POLD1: variants seen among roughly 807,000 people sequenced by gnomAD.
POLD1 encodes DNA polymerase delta 1, catalytic subunit.
POLD1 carries 79 observed loss-of-function variants against 129.7 expected under a neutral mutation model. That is an observed-to-expected ratio of 0.61 (90% CI 0.51 to 0.73). The LOEUF is 0.73. Ranked by LOEUF, POLD1 falls within the 30% of genes least tolerant of loss-of-function variation. The pLI is 0.00. For synonymous variants in POLD1, 714 were observed against 683.3 expected (o/e 1.04, Z -0.70); for missense variants, 1,338 against 1,595.8 (o/e 0.84, Z 2.75).
intron 17 of POLD1, among the ~76,000 whole-genome samples, chr19:50,412,830 G>A (rs887516312): frequency 2.6e-5 from 4 of 152,006 alleles, no homozygotes; most frequent in Admixed American, 2.6e-4. Flanking sequence ...GGCTGATCTC[G>A]AACTCCTGAC....
intron 17 of POLD1, among the ~76,000 whole-genome samples, chr19:50,411,755 G>C (rs1481965178): frequency 6.6e-6 from 1 of 151,962 alleles, no homozygotes; most frequent in East Asian, 1.9e-4. Context: ...CAGGAGAATC[G>C]CTTGAACCCA....
intron 9 of POLD1, 27 bp downstream of exon 9, chr19:50,403,246 A>G (rs1260958893): frequency 1.3e-6 from 2 of 1,520,378 alleles, no homozygotes; most frequent in Non-Finnish European, 1.8e-6. Context: ...GCCCCACACC[A>G]TTTCCCGGGG....
chr19:50,407,423 C>A lies in POLD1; in HGVS notation c.1775+8C>A. The A allele has an allele frequency of 1.3e-6, 2 of 1,581,696 alleles. No homozygotes were observed. Among genetic ancestry groups the A allele is most frequent in the South Asian group, 1.1e-5 (1 of 87,768 alleles). On this transcript the variant is annotated splice_region_variant and intron_variant, in intron 14 of 26. Coordinates refer to ENST00000440232, the MANE Select transcript of POLD1 (RefSeq NM_002691.4). ...CATCGAGCCCCTCAAAGGGTGAGGC[C>A]CCAGGCTGGGTGCAGTTTTTACCTG... is the stretch of plus-strand genomic sequence containing the variant.
chr19:50,408,434 G>A (rs1309946950), intron 14 of POLD1, among the ~76,000 whole-genome samples: 1 of 151,942 alleles, frequency 6.6e-6, no homozygotes, highest in Non-Finnish European at 1.5e-5. Flanking sequence ...GTCACCCAGG[G>A]TGGAGTGCGG....
chr19:50,401,294 T>C (rs2038592315), intron 3 of POLD1, among the ~76,000 whole-genome samples: 1 of 146,168 alleles, frequency 6.8e-6, no homozygotes, highest in South Asian at 2.1e-4. Flanking sequence ...ACATATATTA[T>C]ATATTAATAT....
chr19:50,396,887 G>A (rs1241122481), intron 1 of POLD1, among the ~76,000 whole-genome samples: 6 of 151,306 alleles, frequency 4.0e-5, no homozygotes, highest in Non-Finnish European at 7.4e-5. Flanking sequence ...CCTGAGGTCA[G>A]GAGTTCAAGA....
rs758887787 is a variant in POLD1, at chr19:50,406,349, C to T, written c.1383+27C>T. 6 of 1,612,862 alleles carry T rather than the reference C, an allele frequency of 3.7e-6. No individual in the cohort carries two copies. In the East Asian group the frequency reaches 8.9e-5, roughly 24 times the overall value. On this transcript the variant is annotated intron_variant, in intron 11 of 26. Coordinates refer to ENST00000440232, the MANE Select transcript of POLD1 (RefSeq NM_002691.4). This position sits in a 1 kb window ranked among gnomAD's most constrained non-coding sequence, Gnocchi z 5.5. ...TATGGGCGGGAGGTGGGGTGTGTCC[C>T]TGTCCTTGGAAGGCCACTGCCCAGG...
In POLD1 at chr19:50,393,002, G is replaced by A. The variant is rs968117890; in HGVS notation, c.-1-5849G>A. ...TAACATATTTAAATAGCCCCCTGGG[G>A]GAGGACAGTTAGGTGGTTTCCAGTC... is the stretch of plus-strand genomic sequence containing the variant. On this transcript the variant is annotated intron_variant, in intron 1 of 26. Transcript: ENST00000440232. Among the ~76,000 whole-genome samples the A allele has an allele frequency of 4.7e-4, 72 of 152,204 alleles. 1 individual carries two copies. Among genetic ancestry groups the A allele is most frequent in the African/African-American group, 1.7e-3 (70 of 41,436 alleles).
Position 50,417,671 on chromosome 19 carries a change from T to TCCCCCCCCCCCCCCCCCCCC in POLD1, c.3219-161_3219-160insCCCCCCCCCCCCCCCCCCCC, listed in dbSNP as rs3840923. ...TCGCCAGGCACCCGCTGTTATCGGC[T>TCCCCCCCCCCCCCCCCCCCC]CCCCCCCCCCACCCCCCCCGTGCCT... is the stretch of plus-strand genomic sequence containing the variant. On this transcript the variant is annotated intron_variant, in intron 26 of 26. Coordinates refer to ENST00000440232, the MANE Select transcript of POLD1 (RefSeq NM_002691.4). Among the ~76,000 whole-genome samples the TCCCCCCCCCCCCCCCCCCCC allele has an allele frequency of 8.1e-5, 9 of 110,506 alleles. 1 individual carries two copies. Among genetic ancestry groups the TCCCCCCCCCCCCCCCCCCCC allele is most frequent in the African/African-American group, 1.3e-4 (3 of 23,344 alleles). 72.5% of individuals were successfully genotyped at this position (110,506 alleles called of 152,430 possible). A position where few individuals can be genotyped will look rare whatever the true frequency, so the allele number is the denominator to read the frequency against.
intron 1 of POLD1, among the ~76,000 whole-genome samples, chr19:50,387,478 C>G (rs1290723543): frequency 6.6e-6 from 1 of 152,146 alleles, no homozygotes; most frequent in Non-Finnish European, 1.5e-5. Flanking sequence ...TTGCCAAGCT[C>G]TCATCCTGTG....
chr19:50,393,103 T>C (rs2546551), intron 1 of POLD1, among the ~76,000 whole-genome samples: 98,455 of 152,046 alleles, frequency 0.65, 32,619 homozygotes, highest in East Asian at 0.86. Context: ...ATATCTACAG[T>C]GTACGTCCCT....
chr19:50,416,865 C>G (rs909988280), intron 24 of POLD1, 142 bp downstream of exon 24: 2 of 940,828 alleles, frequency 2.1e-6, no homozygotes, highest in East Asian at 5.3e-5. Flanking sequence ...GTCTCCACCC[C>G]CCACAGAGGG....
At chr19:50,390,315 T>C (rs1222219982) in intron 1 of POLD1, among the ~76,000 whole-genome samples, 1 of 152,130 alleles carries the variant, frequency 6.6e-6, no homozygotes, top group Non-Finnish European at 1.5e-5. Flanking sequence ...ATAGGATTCA[T>C]TGTGAGCCAA....
At chr19:50,415,698 C>T in intron 21 of POLD1, 26 bp from the exon 22 acceptor site, 1 of 1,517,680 alleles carries the variant, frequency 6.6e-7, no homozygotes. Context: ...CTGCCCTCAC[C>T]CACCCGCCAC....
At chr19:50,390,074 A>G (rs1447046453) in intron 1 of POLD1, among the ~76,000 whole-genome samples, 2 of 148,344 alleles carry the variant, frequency 1.3e-5, no homozygotes, top group Non-Finnish European at 3.0e-5. Context: ...ACGCCCAGCT[A>G]ATTTTTATAT....
rs1060501845 is a variant in POLD1 at position 50,406,240 on chromosome 19, C to G, written c.1301C>G (p.Ser434Cys). Residue 434 changes from serine (S) to cysteine (C), a missense_variant, in exon 11 of 27, where the codon TCT becomes TGT. Ser to Cys is a moderately radical substitution (Grantham distance 112). Transcript: ENST00000440232. This position sits in a 1 kb window ranked among gnomAD's most constrained non-coding sequence, Gnocchi z 5.5. ...GGCCTTTGCTCCAACATCCGGGACT[C>G]TTCATTCCAGTCCAAGCAGACGGGC... The part of the protein sequence containing the change: ...VAGLCSNIRD[S>C]SFQSKQTGRR... The G allele has an allele frequency of 3.1e-6, 5 of 1,614,030 alleles. No individual in the cohort carries two copies. The highest frequency in any genetic ancestry group is 4.2e-6 in the Non-Finnish European group (5 of 1,179,988).
intron 8 of POLD1, 110 bp from the exon 9 acceptor site, chr19:50,402,943 T>A: frequency 1.4e-6 from 2 of 1,419,972 alleles, no homozygotes; most frequent in Non-Finnish European, 1.9e-6. Context: ...GTGAGCCACG[T>A]AGGGCCGGCA....
At chr19:50,417,712 C>A in intron 26 of POLD1, 130 bp from the exon 27 acceptor site, 1 of 512,782 alleles carries the variant, frequency 2.0e-6, no homozygotes, top group Non-Finnish European at 3.6e-6. Context: ...GCAAACAGCC[C>A]GCTGCGGGAG....
intron 1 of POLD1, among the ~76,000 whole-genome samples, chr19:50,389,602 TC>T (rs1555787561): frequency 6.6e-6 from 1 of 151,580 alleles, no homozygotes; most frequent in African/African-American, 2.4e-5. Flanking sequence ...TTTTTTTTTT[TC>T]CAAGACTGAG....
Sources: allele counts gnomAD v4.1 joint callset (sites outside exome capture counted in the v4.1 genomes callset), GRCh38; gene constraint gnomAD v4.1.1; non-coding constraint Gnocchi (gnomAD v3.1); transcripts MANE v1.5; gene names NCBI Gene and HGNC (gene_info 2026-07-23, HGNC 2026-07-21).